TSBP1: variants seen among roughly 807,000 people sequenced by gnomAD.
The protein encoded by TSBP1 is testis-expressed basic protein 1.
A neutral mutation model predicts 68.8 loss-of-function variants in TSBP1; 56 were observed. That is an observed-to-expected ratio of 0.81 (90% CI 0.66 to 1.02). The LOEUF (loss-of-function observed/expected upper bound fraction) is 1.02, where lower values mean the gene tolerates loss of function less well. Among genes scored for constraint, TSBP1 ranks in the 50% least tolerant of loss-of-function variants. The pLI is 0.00. For synonymous variants in TSBP1, 171 were observed against 208.7 expected (o/e 0.82, Z 1.56); for missense variants, 502 against 641.2 (o/e 0.78, Z 2.34).
exon 23 of TSBP1, chr6:32,293,371 A>G (rs777097115): frequency 1.2e-6 from 2 of 1,612,782 alleles, no homozygotes; most frequent in Non-Finnish European, 1.7e-6. Context: ...CCTTTGGCAC[A>G]TCTGCCTCAG....
rs1769498898 is a variant in TSBP1, at chr6:32,335,170, G to C, written c.472+267C>G. ...GGTTCTAAGTCTTTATTAAGTATTG[G>C]CTCTACAGAGCTAGATTATATGCTG... On this transcript the variant is annotated intron_variant, in intron 14 of 22. Transcript: ENST00000612031. This position sits in a 1 kb window ranked among gnomAD's most constrained non-coding sequence, Gnocchi z 5.5. Among the ~76,000 whole-genome samples, 1 of 152,158 alleles carries C rather than the reference G, an allele frequency of 6.6e-6. No individual in the cohort carries two copies. The highest frequency in any genetic ancestry group is 6.5e-5 in the Admixed American group (1 of 15,276).
At position 32,357,102 on chromosome 6, in the gene TSBP1, G is replaced by A. The variant is rs938444349; in HGVS notation, c.218-1433C>T. Among the ~76,000 whole-genome samples, 3 of 152,164 alleles carry A rather than the reference G, an allele frequency of 2.0e-5. No individual in the cohort carries two copies. The highest frequency in any genetic ancestry group is 7.2e-5 in the African/African-American group (3 of 41,430). On this transcript the variant is annotated intron_variant, in intron 6 of 22. Coordinates refer to ENST00000612031, the Ensembl canonical transcript of TSBP1. This position sits in a 1 kb window ranked among gnomAD's most constrained non-coding sequence, Gnocchi z 4.7. ...ATAATGGAGGGAAGACTAGCAGGGC[G>A]TGGGAACCTAGAAACTTAGGATGAC... is the stretch of plus-strand genomic sequence containing the variant.
chr6:32,361,115 T>C lies in TSBP1; in HGVS notation c.217+5052A>G, dbSNP rs1772974612. Reference sequence around the variant, plus strand: ...TCATTGTTCAGTTCCCACCTATGAGTGAGAACATGCAGTGTTTGGTTTTCT... The same window carrying C: ...TCATTGTTCAGTTCCCACCTATGAGCGAGAACATGCAGTGTTTGGTTTTCT... On this transcript the variant is annotated intron_variant, in intron 6 of 22. Transcript: ENST00000612031. The surrounding 1 kb of genome is among the most constrained non-coding windows in gnomAD (Gnocchi z 4.3). Among the ~76,000 whole-genome samples, 1 of 152,140 alleles carries C rather than the reference T, an allele frequency of 6.6e-6. No individual in the cohort carries two copies. The highest frequency in any genetic ancestry group is 2.4e-5 in the African/African-American group (1 of 41,430).
At chr6:32,354,968 A>T (rs1052965929) in intron 8 of TSBP1, among the ~76,000 whole-genome samples, 156 bp downstream of exon 8, 2 of 152,122 alleles carry the variant, frequency 1.3e-5, no homozygotes, top group African/African-American at 4.8e-5. Flanking sequence ...TATGACAAGA[A>T]TATTATCAAT....
intron 9 of TSBP1, among the ~76,000 whole-genome samples, chr6:32,342,790 T>A (rs1770526178): frequency 6.6e-6 from 1 of 152,102 alleles, no homozygotes; most frequent in South Asian, 2.1e-4. Context: ...ACAGTCAGAG[T>A]GTACAGCATA....
At chr6:32,359,319 C>G (rs1187649673) in intron 6 of TSBP1, among the ~76,000 whole-genome samples, 1 of 152,060 alleles carries the variant, frequency 6.6e-6, no homozygotes, top group African/African-American at 2.4e-5. Context: ...TGTTTCCTGA[C>G]TTTTTAATGA....
rs190861408 is a variant in TSBP1 at position 32,308,198 on chromosome 6, A to T, written c.581-5569T>A. The stretch of plus-strand genomic sequence containing the variant: ...TTTTTTATAGGAAAATAGAAAAATT[A>T]AAAAAATTTAATTCTTTTAATTACA... On this transcript the variant is annotated intron_variant, in intron 19 of 22. Coordinates refer to ENST00000612031, the Ensembl canonical transcript of TSBP1. Among the ~76,000 whole-genome samples the T allele has an allele frequency of 1.9e-4, 29 of 152,286 alleles. No homozygotes were observed. The East Asian group carries it at 4.8e-3, about 25-fold the overall frequency.
intron 6 of TSBP1, among the ~76,000 whole-genome samples, chr6:32,360,567 A>C (rs912594328): frequency 6.6e-6 from 1 of 152,206 alleles, no homozygotes; most frequent in Admixed American, 6.5e-5. Flanking sequence ...TATGCCCAGA[A>C]GTAGCATTCC....
chr6:32,323,344 G>T (rs996284247), intron 17 of TSBP1: 6 of 681,654 alleles, frequency 8.8e-6, no homozygotes, highest in South Asian at 1.7e-5. Context: ...ATTAAATGAG[G>T]TAATGTAATT....
At chr6:32,339,074 A>G in intron 10 of TSBP1, 75 bp from the exon 12 acceptor site, 1 of 1,173,784 alleles carries the variant, frequency 8.5e-7, no homozygotes, top group Non-Finnish European at 1.3e-6. Context: ...GTTTCAGATC[A>G]AGCATTTACT....
chr6:32,339,031 G>GCA (rs1318828222), intron 10 of TSBP1, 32 bp from the exon 12 acceptor site: 1 of 1,595,974 alleles, frequency 6.3e-7, no homozygotes, highest in East Asian at 2.2e-5. Flanking sequence ...TGAGTTTGAA[G>GCA]AGAGCATGAC....
At position 32,330,036 on chromosome 6, in the gene TSBP1, G is replaced by A. The variant is rs538024306; in HGVS notation, c.514+553C>T. 2.1e-4 allele frequency among the ~76,000 whole-genome samples: 32 copies of A among 152,236 alleles called. 1 individual carries two copies. In the East Asian group the frequency reaches 2.1e-3, roughly 10 times the overall value. On this transcript the variant is annotated intron_variant, in intron 16 of 22. Transcript: ENST00000612031. ...CTTTTCCTCTCTCTTTGTCGTGCGTGTGTGTGCGCGCGCGCACGTGTGTTG... is the reference window on the plus strand; with the variant it reads ...CTTTTCCTCTCTCTTTGTCGTGCGTATGTGTGCGCGCGCGCACGTGTGTTG...
chr6:32,322,715 G>A (rs1428834922), intron 18 of TSBP1, among the ~76,000 whole-genome samples: 2 of 152,086 alleles, frequency 1.3e-5, no homozygotes, highest in South Asian at 2.1e-4. Context: ...ATGTAATGAC[G>A]AAGTCAAAGG....
chr6:32,317,094 C>T (rs1275161390), intron 18 of TSBP1, among the ~76,000 whole-genome samples: 1 of 151,958 alleles, frequency 6.6e-6, no homozygotes, highest in East Asian at 1.9e-4. Context: ...CAGTATGGCA[C>T]TAGTAGGAAA....
Position 32,302,606 on chromosome 6 carries a change from T to C in TSBP1, c.601+3A>G. Reference sequence around the variant, plus strand: ...ATGTAATAAAAATATATTAGGAACTTACTAGTGTGAACTTGAGGTATTCCT... The same window carrying C: ...ATGTAATAAAAATATATTAGGAACTCACTAGTGTGAACTTGAGGTATTCCT... On this transcript the variant is annotated splice_donor_region_variant and intron_variant, in intron 20 of 22. Coordinates refer to ENST00000612031, the Ensembl canonical transcript of TSBP1. The surrounding 1 kb of genome is among the most constrained non-coding windows in gnomAD (Gnocchi z 5.1). 6.5e-7 allele frequency: 1 copy of C among 1,543,496 alleles called. No individual in the cohort carries two copies. Among genetic ancestry groups the C allele is most frequent in the Non-Finnish European group, 8.7e-7 (1 of 1,143,152 alleles).
chr6:32,350,026 T>C, intron 8 of TSBP1: 1 of 688,584 alleles, frequency 1.5e-6, no homozygotes, highest in South Asian at 1.5e-5. Flanking sequence ...TTTTGGAGAT[T>C]GCTAGTTTCT....
intron 16 of TSBP1, chr6:32,324,647 T>C: frequency 1.9e-6 from 3 of 1,550,746 alleles, no homozygotes; most frequent in Non-Finnish European, 2.6e-6. Context: ...AATGAACACA[T>C]AGACTTACTG....
At chr6:32,342,169 CTT>C (rs9281744) in intron 9 of TSBP1, among the ~76,000 whole-genome samples, 6 of 138,792 alleles carry the variant, frequency 4.3e-5, no homozygotes, top group Admixed American at 7.2e-5. Flanking sequence ...CTTCTCTGTT[CTT>C]TTTTTTTTTT....
chr6:32,355,003 CAA>C (rs372968071), intron 8 of TSBP1, 119 bp downstream of exon 8: 56 of 715,022 alleles, frequency 7.8e-5, no homozygotes, highest in East Asian at 4.9e-4. Flanking sequence ...GTGTGATATA[CAA>C]GTGTTAATTA....
Sources: gnomAD v4.1 joint callset for allele counts (sites outside exome capture counted in the v4.1 genomes callset) on GRCh38, gnomAD v4.1.1 for gene constraint, Gnocchi (gnomAD v3.1) non-coding constraint, MANE v1.5 for transcripts, NCBI Gene and HGNC (gene_info 2026-07-23, HGNC 2026-07-21) for gene names.